Variants in MECOM observed in about 807,000 individuals in gnomAD.
MECOM encodes histone-lysine N-methyltransferase MECOM.
In MECOM, 13 loss-of-function variants were observed where a neutral mutation model predicts 116.3. The ratio of observed to expected loss-of-function variants is 0.11; its 90% CI spans 0.07 to 0.18. The LOEUF (loss-of-function observed/expected upper bound fraction) is 0.18. MECOM is among the 10% of genes least tolerant of loss of function. The pLI is 1.00. For missense variants in MECOM, 1,299 were observed against 1,509.0 expected, an observed-to-expected ratio of 0.86 and a Z score of 2.31; for synonymous variants, 528 against 535.2, an observed-to-expected ratio of 0.99 and a Z score of 0.19.
chr3:169,372,551 C>A (rs1257387260), intron 2 of MECOM, among the ~76,000 whole-genome samples: 1 of 151,872 alleles, frequency 6.6e-6, no homozygotes, highest in Non-Finnish European at 1.5e-5. Context: ...AATAATTAGA[C>A]CATCCAGAGA....
At chr3:169,496,375 G>A (rs1021425692) in intron 1 of MECOM, among the ~76,000 whole-genome samples, 1 of 152,206 alleles carries the variant, frequency 6.6e-6, no homozygotes, top group Non-Finnish European at 1.5e-5. Context: ...AACCCTTGTG[G>A]TGTTTGTAAC....
At position 169,102,048 on chromosome 3, in the gene MECOM, C is replaced by G. The variant is rs1375597937; in HGVS notation, c.2771+12G>C. The G allele has an allele frequency of 6.3e-7, 1 of 1,599,316 alleles. No individual in the cohort carries two copies. Among genetic ancestry groups the G allele is most frequent in the African/African-American group, 1.3e-5 (1 of 74,420 alleles). ...TTTCTGGAAAGTCAGCCATAATTAA[C>G]TGTGCAGTTACCTGCAGGTATAGCG... On this transcript the variant is annotated intron_variant, in intron 11 of 16. Transcript: ENST00000651503.
At chr3:169,260,746 C>T (rs1757433912) in intron 2 of MECOM, among the ~76,000 whole-genome samples, 1 of 152,158 alleles carries the variant, frequency 6.6e-6, no homozygotes, top group Non-Finnish European at 1.5e-5. Context: ...GATTTTTCTA[C>T]TTTTGGGTCA....
intron 2 of MECOM, among the ~76,000 whole-genome samples, chr3:169,265,924 A>AACATTAATGG (rs373276172): frequency 3.3e-5 from 5 of 152,224 alleles, no homozygotes; most frequent in African/African-American, 9.6e-5. Flanking sequence ...GGGACAGAGT[A>AACATTAATGG]ACATTAATGG....
chr3:169,615,487 T>A (rs936573735), intron 1 of MECOM, among the ~76,000 whole-genome samples: 1 of 152,234 alleles, frequency 6.6e-6, no homozygotes, highest in African/African-American at 2.4e-5. Context: ...ATTGCAAAAC[T>A]TATAATGAAC....
At chr3:169,618,120 C>T (rs559114630) in intron 1 of MECOM, among the ~76,000 whole-genome samples, 36 of 152,180 alleles carry the variant, frequency 2.4e-4, no homozygotes, top group Non-Finnish European at 4.6e-4. Flanking sequence ...TCTATCATTG[C>T]ATCTAGTCCC....
At position 169,381,247 on chromosome 3, in the gene MECOM, C is replaced by A. The variant is rs745897682; in HGVS notation, c.315G>T (p.Lys105Asn). 3.1e-6 allele frequency: 5 copies of A among 1,613,702 alleles called. No homozygotes were observed. The highest frequency in any genetic ancestry group is 1.7e-6 in the Non-Finnish European group (2 of 1,179,752). ...WTKRKIEVGE[K>N]FGPYVGEQRS... ...TCTGCTCTCCCACATAAGGCCCAAACTTTTCACCTACTTCGATCTTCCTTT... is the reference window on the plus strand; with the variant it reads ...TCTGCTCTCCCACATAAGGCCCAAAATTTTCACCTACTTCGATCTTCCTTT... Residue 105 changes from lysine to asparagine, a missense_variant, in exon 2 of 17, where the codon AAG becomes AAT. By Grantham distance (94) the Lys-to-Asn change is moderately conservative. Transcript: ENST00000651503.
intron 2 of MECOM, among the ~76,000 whole-genome samples, chr3:169,206,621 C>T (rs1330206422): frequency 1.3e-5 from 2 of 151,778 alleles, no homozygotes; most frequent in Non-Finnish European, 2.9e-5. Flanking sequence ...GGCATGGGGG[C>T]GGGTGCCTAT....
At chr3:169,322,259 CTTT>C (rs1194326781) in intron 2 of MECOM, among the ~76,000 whole-genome samples, 3 of 152,110 alleles carry the variant, frequency 2.0e-5, no homozygotes, top group South Asian at 4.2e-4. Flanking sequence ...TCTTTATTTT[CTTT>C]ATTTGAGATG....
At chr3:169,313,519 C>T (rs1321083940) in intron 2 of MECOM, among the ~76,000 whole-genome samples, 1 of 152,044 alleles carries the variant, frequency 6.6e-6, no homozygotes, top group Non-Finnish European at 1.5e-5. Context: ...ATCCCATGTA[C>T]ATGGAAGGAA....
intron 2 of MECOM, among the ~76,000 whole-genome samples, chr3:169,272,234 T>G (rs1293622275): frequency 3.9e-5 from 6 of 152,208 alleles, no homozygotes. Context: ...AGTGCCTTAG[T>G]TCCCAGAGTA....
At chr3:169,647,962 A>C (rs978055943) in intron 1 of MECOM, among the ~76,000 whole-genome samples, 1 of 152,182 alleles carries the variant, frequency 6.6e-6, no homozygotes, top group African/African-American at 2.4e-5. Flanking sequence ...TACGGTACCC[A>C]AAATATACTG....
intron 2 of MECOM, among the ~76,000 whole-genome samples, chr3:169,276,962 C>G (rs1214444771): frequency 6.6e-6 from 1 of 151,772 alleles, no homozygotes; most frequent in Non-Finnish European, 1.5e-5. Context: ...AAAACACAAA[C>G]TGCAAAAAGA....
intron 1 of MECOM, among the ~76,000 whole-genome samples, chr3:169,545,842 C>A (rs796345050): frequency 1.5e-3 from 228 of 152,286 alleles, no homozygotes; most frequent in African/African-American, 5.3e-3. Flanking sequence ...TCCTGCCAAA[C>A]CTCCTCCCCT....
At chr3:169,565,931 TGGG>T (rs1396351484) in intron 1 of MECOM, 56 of 445,674 alleles carry the variant, frequency 1.3e-4, no homozygotes, top group South Asian at 7.9e-4. Context: ...TATGTGAGAC[TGGG>T]TAATTTATAA....
chr3:169,386,859 A>G (rs1820943), intron 1 of MECOM, among the ~76,000 whole-genome samples: 28,500 of 152,172 alleles, frequency 0.19, 3,029 homozygotes, highest in East Asian at 0.3. Context: ...TGTTTTTAAT[A>G]AAGAAAATTA....
chr3:169,414,040 AG>A (rs1372345623), intron 1 of MECOM, among the ~76,000 whole-genome samples: 1 of 152,208 alleles, frequency 6.6e-6, no homozygotes, highest in Non-Finnish European at 1.5e-5. Context: ...AGATCTGCTA[AG>A]GGGCAGACTG....
At chr3:169,570,362 A>G (rs1763733939) in intron 1 of MECOM, among the ~76,000 whole-genome samples, 1 of 152,220 alleles carries the variant, frequency 6.6e-6, no homozygotes, top group South Asian at 2.1e-4. Flanking sequence ...CTACCAATCA[A>G]AAAAAGCCCA....
intron 2 of MECOM, among the ~76,000 whole-genome samples, chr3:169,172,407 A>ATGTGTGTGTGTGTGTG (rs5854312): frequency 3.3e-4 from 48 of 144,470 alleles, no homozygotes; most frequent in East Asian, 3.3e-3. Context: ...GTACCCTTGT[A>ATGTGTGTGTGTGTGTG]TGTGTGTGTG....
Sources: gnomAD v4.1 joint callset for allele counts (sites outside exome capture counted in the v4.1 genomes callset) on GRCh38, gnomAD v4.1.1 for gene constraint, MANE v1.5 for transcripts, NCBI Gene and HGNC (gene_info 2026-07-23, HGNC 2026-07-21) for gene names.